The following NRG1 variants were observed in gnomAD, a reference collection of about 807,000 sequenced individuals.
The protein encoded by NRG1 is neuregulin 1, also known as pro-neuregulin-1, membrane-bound isoform.
In NRG1, 18 loss-of-function variants were observed where a neutral mutation model predicts 63.8. That is an observed-to-expected ratio of 0.28 (90% CI 0.19 to 0.42). NRG1 has a LOEUF of 0.42. NRG1 is among the 10% of genes least tolerant of loss of function. The pLI, the probability that NRG1 is intolerant of heterozygous loss-of-function variation, is 1.00. For missense variants in NRG1, 762 were observed against 814.7 expected, an observed-to-expected ratio of 0.94 and a Z score of 0.79; for synonymous variants, 302 against 301.3, an observed-to-expected ratio of 1.00 and a Z score of -0.02.
intron 1 of NRG1, among the ~76,000 whole-genome samples, chr8:31,898,909 T>C (rs1213172241): frequency 6.6e-6 from 1 of 152,094 alleles, no homozygotes; most frequent in Non-Finnish European, 1.5e-5. Flanking sequence ...AGTATGACAG[T>C]GATTTCTACT....
At chr8:32,547,205 G>C (rs1319149357), upstream of NRG1, among the ~76,000 whole-genome samples, 1 of 152,102 alleles carries the variant, frequency 6.6e-6, no homozygotes, top group Non-Finnish European at 1.5e-5. Context: ...TTTAACTTTT[G>C]TCCTTTGCAG....
chr8:31,891,801 G>A (rs1285128287), intron 1 of NRG1, among the ~76,000 whole-genome samples: 1 of 152,144 alleles, frequency 6.6e-6, no homozygotes, highest in Non-Finnish European at 1.5e-5. Context: ...CCATGGAATA[G>A]TATTCAGCAA....
chr8:31,962,515 T>A (rs1026544590), intron 1 of NRG1, among the ~76,000 whole-genome samples: 2 of 152,034 alleles, frequency 1.3e-5, no homozygotes, highest in East Asian at 3.9e-4. Flanking sequence ...GCCTGAAAAA[T>A]CCCTAAAGGA....
chr8:32,583,389 T>C (rs1841044777), intron 1 of NRG1, among the ~76,000 whole-genome samples: 1 of 152,186 alleles, frequency 6.6e-6, no homozygotes, highest in Non-Finnish European at 1.5e-5. Context: ...CTAAGTTTCC[T>C]GTCTCCATTC....
At chr8:31,877,960 T>C (rs1290307945) in intron 1 of NRG1, among the ~76,000 whole-genome samples, 1 of 152,232 alleles carries the variant, frequency 6.6e-6, no homozygotes, top group African/African-American at 2.4e-5. Context: ...GTTTTTGCTA[T>C]TTTAATATGC....
intron 1 of NRG1, among the ~76,000 whole-genome samples, chr8:31,654,279 C>G (rs1805199095): frequency 6.6e-6 from 1 of 152,172 alleles, no homozygotes; most frequent in African/African-American, 2.4e-5. Flanking sequence ...TGGTTGTGCT[C>G]TCTTTGTGCA....
At chr8:31,882,329 TAAAAAAA>T (rs745615085) in intron 1 of NRG1, among the ~76,000 whole-genome samples, 2 of 79,830 alleles carry the variant, frequency 2.5e-5, no homozygotes, top group African/African-American at 9.8e-5. Flanking sequence ...GCTCAAAAAC[TAAAAAAA>T]AAAAAAAAAA....
At chr8:32,190,187 A>ATTG (rs1448117409) in intron 1 of NRG1, among the ~76,000 whole-genome samples, 1 of 150,882 alleles carries the variant, frequency 6.6e-6, no homozygotes, top group East Asian at 1.9e-4. Flanking sequence ...TATTATTATT[A>ATTG]TTATTATTAT....
At chr8:31,985,347 A>G (rs1809879768) in intron 1 of NRG1, among the ~76,000 whole-genome samples, 1 of 152,076 alleles carries the variant, frequency 6.6e-6, no homozygotes. Flanking sequence ...TTTTTAGGCA[A>G]AATTTTCTAC....
intron 1 of NRG1, among the ~76,000 whole-genome samples, chr8:32,319,592 G>A (rs1043954097): frequency 6.6e-6 from 1 of 152,116 alleles, no homozygotes; most frequent in African/African-American, 2.4e-5. Context: ...TGGAGAATAT[G>A]ATCTCGTTCC....
At chr8:31,961,703 T>A (rs574131057) in intron 1 of NRG1, among the ~76,000 whole-genome samples, 3 of 152,046 alleles carry the variant, frequency 2.0e-5, no homozygotes, top group African/African-American at 7.2e-5. Context: ...CCAACTGAGA[T>A]TGGAGTATGG....
chr8:32,760,826 G>A (rs1407242746), intron 11 of NRG1: 1 of 1,014,406 alleles, frequency 9.9e-7, no homozygotes, highest in Non-Finnish European at 1.2e-6. Context: ...CTGGCCTCGT[G>A]TTCTTATCTG....
chr8:32,763,417 A>G lies in NRG1; in HGVS notation c.1260-331A>G, dbSNP rs959686880. On this transcript the variant is annotated intron_variant, in intron 11 of 11. Transcript: ENST00000356819. ...CGAATCCCTGAGCCTTGGTCCTTAT[A>G]TAAGCTGAGAGGTTTCCAGGACCTA... 1.5e-5 allele frequency: 24 copies of G among 1,567,714 alleles called. No individual in the cohort carries two copies. The Admixed American group carries it at 2.7e-4, about 17-fold the overall frequency.
In NRG1 at chr8:31,801,919, A is replaced by G. The variant is rs1429899655; in HGVS notation, c.37+162488A>G. 2.6e-5 allele frequency among the ~76,000 whole-genome samples: 4 copies of G among 152,168 alleles called. No individual in the cohort carries two copies. In the East Asian group the frequency reaches 5.8e-4, roughly 22 times the overall value. On this transcript the variant is annotated intron_variant, in intron 1 of 10. Coordinates refer to the NRG1 transcript ENST00000519301. ...AGATTTGATTTGTTGGAGGGAGTCT[A>G]CAAACTCTGCTTTCACTAGAAAGAC...
intron 1 of NRG1, among the ~76,000 whole-genome samples, chr8:31,767,189 T>C (rs962432912): frequency 6.6e-6 from 1 of 152,158 alleles, no homozygotes; most frequent in Non-Finnish European, 1.5e-5. Flanking sequence ...GCCCCATTAT[T>C]AGCAGGCTGT....
intron 1 of NRG1, among the ~76,000 whole-genome samples, chr8:32,344,249 A>G (rs1804445402): frequency 6.6e-6 from 1 of 151,960 alleles, no homozygotes; most frequent in South Asian, 2.1e-4. Flanking sequence ...TGCCTTTCTC[A>G]TCTTGGGTCA....
chr8:32,157,186 ATGGTGAAGCT>A (rs1179757965), intron 1 of NRG1, among the ~76,000 whole-genome samples: 1 of 151,016 alleles, frequency 6.6e-6, no homozygotes, highest in African/African-American at 2.4e-5. Context: ...GCTGGCCAAC[ATGGTGAAGCT>A]CCGTCTCTAC....
intron 8 of NRG1, 32 bp downstream of exon 8, chr8:32,754,506 C>G (rs778259872): frequency 6.3e-7 from 1 of 1,590,924 alleles, no homozygotes; most frequent in African/African-American, 1.3e-5. Context: ...CTTTCTCTCT[C>G]CTTCATGCAG....
intron 1 of NRG1, among the ~76,000 whole-genome samples, chr8:32,505,813 A>G (rs1828453126): frequency 6.6e-6 from 1 of 152,196 alleles, no homozygotes; most frequent in African/African-American, 2.4e-5. Context: ...GCCTTGTATG[A>G]GCTGAGACAC....
Sources: allele counts gnomAD v4.1 joint callset (sites outside exome capture counted in the v4.1 genomes callset), GRCh38; gene constraint gnomAD v4.1.1; transcripts MANE v1.5; gene names NCBI Gene and HGNC (gene_info 2026-07-23, HGNC 2026-07-21).